The following OPTC variants were observed in gnomAD, a reference collection of about 807,000 sequenced individuals.
The protein encoded by OPTC is oculoglycan.
In OPTC, 22 loss-of-function variants were observed where a neutral mutation model predicts 25.4. The ratio of observed to expected loss-of-function variants is 0.87; its 90% confidence interval spans 0.62 to 1.24. The LOEUF (loss-of-function observed/expected upper bound fraction) is 1.24, where lower values mean the gene tolerates loss of function less well. Ranked by LOEUF, OPTC falls within the 50% of genes most tolerant of loss-of-function variation. The probability of loss-of-function intolerance (pLI) is 0.00; values close to 1 mark genes in which losing one functional copy is unlikely to be tolerated. For synonymous variants in OPTC, 169 were observed against 179.3 expected, an observed-to-expected ratio of 0.94 and a Z score of 0.46; for missense variants, 417 against 425.2, an observed-to-expected ratio of 0.98 and a Z score of 0.17.
intron 4 of OPTC, among the ~76,000 whole-genome samples, chr1:203,499,062 C>A (rs1243803877): frequency 6.6e-6 from 1 of 152,168 alleles, no homozygotes; most frequent in African/African-American, 2.4e-5. Flanking sequence ...TCTCCAAAAA[C>A]GTCTGGGAAG....
chr1:203,499,821 G>C lies in OPTC; in HGVS notation c.702G>C (p.Gln234His), dbSNP rs1298596656. The change falls in exon 5 of 8, where the codon CAG (glutamine) becomes CAC (histidine). Residue 234 changes from glutamine (Q) to histidine (H), a missense_variant. Gln to His is a conservative substitution (Grantham distance 24, BLOSUM62 0). Coordinates refer to ENST00000367222, the MANE Select transcript of OPTC (RefSeq NM_014359.4). ...TGGATGTCCGCCTAAATCGGCTCCA[G>C]AGCTCGGGGATACAGCCTGCAGCCT... is the stretch of plus-strand genomic sequence containing the variant. ...EFLDVRLNRLQSSGIQPAAFR... is the reference protein window; with the variant it reads ...EFLDVRLNRLHSSGIQPAAFR... 3 of 1,612,322 alleles carry C rather than the reference G, an allele frequency of 1.9e-6. No homozygotes were observed. In the African/African-American group the frequency reaches 4.0e-5, roughly 22 times the overall value.
At chr1:203,508,250 C>A (rs947894538) in intron 7 of OPTC, among the ~76,000 whole-genome samples, 2 of 152,190 alleles carry the variant, frequency 1.3e-5, no homozygotes, top group South Asian at 4.1e-4. Flanking sequence ...CCACGTCCCC[C>A]CAAAATGCTT....
intron 5 of OPTC, among the ~76,000 whole-genome samples, chr1:203,500,626 C>A (rs1661378339): frequency 6.6e-6 from 1 of 152,350 alleles, no homozygotes; most frequent in Middle Eastern, 3.4e-3. Context: ...ATCCCAAGAA[C>A]CTCCATGAAT....
In OPTC at chr1:203,499,661, G is replaced by A; in HGVS notation, c.542G>A (p.Arg181Lys). Residue 181 changes from arginine to lysine, a missense_variant, in exon 5 of 8, where the codon AGG becomes AAG. Transcript: ENST00000367222. ...EDFKGLTKLKRIDLSNNLISS... is the reference protein window; with the variant it reads ...EDFKGLTKLKKIDLSNNLISS... ...TAACCTCTCTCAGCAAAGTTGAAGA[G>A]GATTGACCTCTCCAACAACCTCATT... is the stretch of plus-strand genomic sequence containing the variant. 6.2e-7 allele frequency: 1 copy of A among 1,613,414 alleles called. No homozygotes were observed. The highest frequency in any genetic ancestry group is 8.5e-7 in the Non-Finnish European group (1 of 1,179,830).
chr1:203,505,779 C>T (rs1430812433), intron 7 of OPTC, among the ~76,000 whole-genome samples: 11 of 152,136 alleles, frequency 7.2e-5, no homozygotes, highest in African/African-American at 2.7e-4. Flanking sequence ...TCTAGGATTC[C>T]AGCGCACCTG....
chr1:203,499,689 C>T lies in OPTC; in HGVS notation c.570C>T (p.Ser190=). ...KRIDLSNNLI[S]SIDNDAFRLL... Reference sequence around the variant, plus strand: ...TTGACCTCTCCAACAACCTCATTTCCTCCATCGATAATGATGCCTTCCGCC... The same window carrying T: ...TTGACCTCTCCAACAACCTCATTTCTTCCATCGATAATGATGCCTTCCGCC... The change falls in exon 5 of 8, where the codon TCC becomes TCT. Residue 190 remains serine, a synonymous_variant. Coordinates refer to ENST00000367222, the MANE Select transcript of OPTC (RefSeq NM_014359.4). 1 of 1,613,636 alleles carries T rather than the reference C, an allele frequency of 6.2e-7. No homozygotes were observed.
chr1:203,498,988 C>T (rs553373721), intron 4 of OPTC, 149 bp downstream of exon 4: 6 of 864,718 alleles, frequency 6.9e-6, no homozygotes, highest in East Asian at 5.2e-5. Flanking sequence ...GGAAATAGCC[C>T]GAAGTCTCTA....
At chr1:203,507,037 G>A (rs1661503260) in intron 7 of OPTC, among the ~76,000 whole-genome samples, 1 of 152,240 alleles carries the variant, frequency 6.6e-6, no homozygotes, top group African/African-American at 2.4e-5. Context: ...CTTGTTGTCT[G>A]TCTCCCTGAA....
At chr1:203,500,063 C>G (rs1661353465) in intron 5 of OPTC, among the ~76,000 whole-genome samples, 1 of 72,944 alleles carries the variant, frequency 1.4e-5, no homozygotes, top group African/African-American at 5.8e-5. Flanking sequence ...TCCACCACCA[C>G]CACCTCCACC....
At chr1:203,498,592 G>A in intron 3 of OPTC, 89 bp from the exon 4 acceptor site, 1 of 1,517,344 alleles carries the variant, frequency 6.6e-7, no homozygotes, top group Non-Finnish European at 9.1e-7. Flanking sequence ...AGGCACAGAT[G>A]GCCATGGTTC....
chr1:203,494,642 G>A (rs572503379), intron 1 of OPTC, among the ~76,000 whole-genome samples: 16 of 152,074 alleles, frequency 1.1e-4, no homozygotes, highest in Admixed American at 7.2e-4. Context: ...GAGTGACACC[G>A]TCTTAAAAAT....
chr1:203,502,317 G>A (rs142259039), intron 5 of OPTC, among the ~76,000 whole-genome samples: 7 of 152,226 alleles, frequency 4.6e-5, no homozygotes, highest in African/African-American at 9.6e-5. Flanking sequence ...GCTGTCTCCC[G>A]AGTGTCTGCT....
At chr1:203,506,145 C>CTTTTTTTTTTTTTTTTTTTTTTT (rs78639556) in intron 7 of OPTC, among the ~76,000 whole-genome samples, 1 of 89,464 alleles carries the variant, frequency 1.1e-5, no homozygotes. Context: ...ATCCAATTTT[C>CTTTTTTTTTTTTTTTTTTTTTTT]TTTTTTCTTT....
intron 7 of OPTC, among the ~76,000 whole-genome samples, chr1:203,504,572 TACCTGC>T: frequency 6.6e-6 from 1 of 152,348 alleles, no homozygotes; most frequent in African/African-American, 2.4e-5. Flanking sequence ...CAGCTCCCCC[TACCTGC>T]ACACCATCCT....
intron 6 of OPTC, 126 bp from the exon 7 acceptor site, chr1:203,503,424 G>T (rs1661423477): frequency 3.1e-6 from 3 of 966,828 alleles, no homozygotes; most frequent in African/African-American, 3.2e-5. Context: ...TTTGGCCCTA[G>T]ATGCTTCAGT....
At chr1:203,500,204 C>CCCACCTCCACCTCCAG (rs1558238300) in intron 5 of OPTC, among the ~76,000 whole-genome samples, 1 of 30,206 alleles carries the variant, frequency 3.3e-5, no homozygotes, top group African/African-American at 1.6e-4. Context: ...ACCACCACCA[C>CCCACCTCCACCTCCAG]CACCCACCTC....
intron 3 of OPTC, among the ~76,000 whole-genome samples, chr1:203,498,405 C>G (rs1166085365): frequency 6.6e-6 from 1 of 152,088 alleles, no homozygotes; most frequent in Non-Finnish European, 1.5e-5. Flanking sequence ...CCACATAGGC[C>G]CAGGAAAATG....
In OPTC at chr1:203,499,739, T is replaced by C. The variant is rs1282611672; in HGVS notation, c.620T>C (p.Ile207Thr). The C allele has an allele frequency of 1.2e-6, 2 of 1,613,226 alleles. No individual in the cohort carries two copies. The highest frequency in any genetic ancestry group is 1.3e-5 in the African/African-American group (1 of 74,898). ...CTGCTACATGCCCTCCAGGACCTCA[T>C]CCTCCCAGAGAACCAGTTGGAAGCT... ...FRLLHALQDLILPENQLEALP... is the reference protein window; with the variant it reads ...FRLLHALQDLTLPENQLEALP... Residue 207 changes from isoleucine (I) to threonine (T), a missense_variant, in exon 5 of 8, where the codon ATC becomes ACC. Physicochemically the swap from Ile to Thr is moderately conservative, Grantham distance 89. Coordinates refer to ENST00000367222, the MANE Select transcript of OPTC (RefSeq NM_014359.4).
intron 4 of OPTC, 75 bp from the exon 5 acceptor site, chr1:203,499,574 G>T (rs1661339717): frequency 7.9e-7 from 1 of 1,258,380 alleles, no homozygotes. Flanking sequence ...GCAAGGTGTG[G>T]AGACAGCTCC....
Sources: allele counts gnomAD v4.1 joint callset (sites outside exome capture counted in the v4.1 genomes callset), GRCh38; gene constraint gnomAD v4.1.1; transcripts MANE v1.5; gene names NCBI Gene and HGNC (gene_info 2026-07-23, HGNC 2026-07-21).